NARS1: variants seen among roughly 807,000 people sequenced by gnomAD.
NARS1 encodes the protein asparagine--tRNA ligase, cytoplasmic.
In NARS1, 65 loss-of-function variants were observed where a neutral mutation model predicts 79.2. The ratio of observed to expected loss-of-function variants is 0.82; its 90% CI spans 0.67 to 1.01. The LOEUF (loss-of-function observed/expected upper bound fraction) is 1.01. Among genes scored for constraint, NARS1 ranks in the 50% least tolerant of loss-of-function variants. The probability of loss-of-function intolerance (pLI) is 0.00; values close to 1 mark genes in which losing one functional copy is unlikely to be tolerated. For synonymous variants in NARS1, 229 were observed against 238.8 expected (o/e 0.96, Z 0.38); for missense variants, 649 against 673.8 (o/e 0.96, Z 0.41).
intron 13 of NARS1, 57 bp from the exon 14 acceptor site, chr18:57,601,840 C>T: frequency 1.3e-6 from 2 of 1,570,370 alleles, no homozygotes; most frequent in Non-Finnish European, 1.7e-6. Flanking sequence ...AAACTTTCAT[C>T]TAAGACAGTT....
chr18:57,611,195 G>T (rs542339932), intron 6 of NARS1, among the ~76,000 whole-genome samples: 1 of 151,924 alleles, frequency 6.6e-6, no homozygotes, highest in Non-Finnish European at 1.5e-5. Context: ...CAAACTCCTG[G>T]GCTCAAGCAG....
intron 1 of NARS1, 65 bp from the exon 2 acceptor site, chr18:57,620,716 T>G: frequency 1.1e-6 from 1 of 924,302 alleles, no homozygotes; most frequent in Non-Finnish European, 1.7e-6. Context: ...TACTACTTTA[T>G]TCATTCCTTA....
chr18:57,602,690 T>G (rs2051519068), intron 12 of NARS1, 122 bp downstream of exon 12: 2 of 1,317,328 alleles, frequency 1.5e-6, no homozygotes, highest in Admixed American at 2.6e-5. Flanking sequence ...CCCAACGTCT[T>G]TAAATATTGT....
intron 11 of NARS1, among the ~76,000 whole-genome samples, chr18:57,604,344 G>A (rs1019675038): frequency 8.6e-5 from 13 of 152,040 alleles, no homozygotes; most frequent in Non-Finnish European, 1.9e-4. Flanking sequence ...CTCGAGGCCA[G>A]GAGTTTGAGA....
intron 4 of NARS1, 135 bp downstream of exon 4, chr18:57,615,506 A>G: frequency 1.8e-6 from 1 of 559,812 alleles, no homozygotes; most frequent in Non-Finnish European, 3.0e-6. Flanking sequence ...CGTCTCAAAA[A>G]TAAATAAATA....
In NARS1 at chr18:57,615,940, G is replaced by A. The variant is rs758952709; in HGVS notation, c.129C>T (p.Thr43=). 1.2e-4 allele frequency: 189 copies of A among 1,611,900 alleles called. No homozygotes were observed. The highest frequency in any genetic ancestry group is 1.5e-4 in the Non-Finnish European group (175 of 1,179,278). Residue 43 remains threonine, a synonymous_variant, in exon 3 of 14, where the codon ACC becomes ACT. Transcript: ENST00000256854. ...TTTCTTTTTGTGAATCTACGTAAAT[G>A]GTAGGAAATGGTTCTTTCCCTACTG... ...LMTVGKEPFP[T]IYVDSQKENE...
At chr18:57,612,677 C>G (rs1428817712) in intron 5 of NARS1, among the ~76,000 whole-genome samples, 1 of 152,212 alleles carries the variant, frequency 6.6e-6, no homozygotes, top group Non-Finnish European at 1.5e-5. Context: ...CTCAGGCGAT[C>G]CACCCGCCTT....
intron 2 of NARS1, among the ~76,000 whole-genome samples, chr18:57,617,949 A>G (rs1364353255): frequency 1.3e-5 from 2 of 151,214 alleles, no homozygotes; most frequent in East Asian, 3.9e-4. Context: ...AAAACATTCA[A>G]TAGTTCATCC....
At chr18:57,616,628 G>A in intron 2 of NARS1, among the ~76,000 whole-genome samples, 1 of 152,024 alleles carries the variant, frequency 6.6e-6, no homozygotes, top group East Asian at 1.9e-4. Context: ...AACTGCAAGT[G>A]ACATCTAAAA....
intron 6 of NARS1, among the ~76,000 whole-genome samples, chr18:57,609,762 A>G (rs72942207): frequency 0.16 from 23,645 of 152,222 alleles, 2,113 homozygotes; most frequent in Non-Finnish European, 0.2. Context: ...AATCTAGACT[A>G]TTAAAGTAAC....
Position 57,613,652 on chromosome 18 carries a change from C to T in NARS1, c.371G>A (p.Arg124Lys), listed in dbSNP as rs1280430101. 3 of 1,614,142 alleles carry T rather than the reference C, an allele frequency of 1.9e-6. No individual in the cohort carries two copies. The highest frequency in any genetic ancestry group is 2.2e-5 in the South Asian group (2 of 91,082). The change falls in exon 5 of 14, where the codon AGA becomes AAA. Residue 124 changes from arginine (R) to lysine (K), a missense_variant. Transcript: ENST00000256854. ...CVKIGALEGY[R>K]GQRVKVFGWV... ...GCCAAACACCTTTACTCTTTGGCCT[C>T]TATATCCTTCTAACGCACCAATCTT...
In NARS1 at chr18:57,607,541, ATG is replaced by A. The variant is rs1353968396; in HGVS notation, c.702_703del (p.Met235AspfsTer22). The A allele has an allele frequency of 1.2e-6, 2 of 1,614,138 alleles. No homozygotes were observed. Among genetic ancestry groups the A allele is most frequent in the Non-Finnish European group, 1.7e-6 (2 of 1,180,040 alleles). The stretch of plus-strand genomic sequence containing the variant: ...GGACATGTTTTCTCCTCGGATCATC[ATG>A]TGTCTGTTGTTGAGCTGGACATCAA... On this transcript the variant is annotated frameshift_variant, in exon 8 of 14. Transcript: ENST00000256854. LOFTEE classifies it high-confidence loss of function.
intron 13 of NARS1, 53 bp downstream of exon 13, chr18:57,602,302 A>G: frequency 3.8e-6 from 6 of 1,563,916 alleles, no homozygotes; most frequent in Non-Finnish European, 5.2e-6. Flanking sequence ...TTCAATATAT[A>G]CAGAACGATT....
chr18:57,602,708 G>C, intron 12 of NARS1, 104 bp downstream of exon 12: 1 of 1,372,142 alleles, frequency 7.3e-7, no homozygotes, highest in Non-Finnish European at 9.9e-7. Context: ...TGTTATTCTA[G>C]ATAGAGAATG....
intron 2 of NARS1, 153 bp from the exon 3 acceptor site, chr18:57,616,128 T>G: frequency 1.4e-6 from 1 of 702,118 alleles, no homozygotes; most frequent in South Asian, 2.1e-5. Flanking sequence ...GTTGAACATT[T>G]AAGAAGCACA....
chr18:57,607,365 G>T lies in NARS1; in HGVS notation c.802-32C>A, dbSNP rs751109621. 8.7e-6 allele frequency: 14 copies of T among 1,610,046 alleles called. No homozygotes were observed. The East Asian group carries it at 2.9e-4, about 33-fold the overall frequency. ...AAATGCAAAGAAGGAATAAATCAATGCTATCGTGAGCACCACTATTCAAGT... is the reference window on the plus strand; with the variant it reads ...AAATGCAAAGAAGGAATAAATCAATTCTATCGTGAGCACCACTATTCAAGT... On this transcript the variant is annotated intron_variant, in intron 8 of 13. Transcript: ENST00000256854.
At chr18:57,618,761 G>C (rs761586212) in intron 2 of NARS1, among the ~76,000 whole-genome samples, 7 of 152,026 alleles carry the variant, frequency 4.6e-5, no homozygotes, top group Non-Finnish European at 1.0e-4. Flanking sequence ...AATTAACCGC[G>C]TGTGGTGACA....
chr18:57,606,527 C>A, intron 10 of NARS1, 89 bp downstream of exon 10: 1 of 1,295,384 alleles, frequency 7.7e-7, no homozygotes, highest in Non-Finnish European at 1.1e-6. Flanking sequence ...GCTCACCAAG[C>A]CATCAAATCT....
chr18:57,620,777 A>C (rs1908267127), intron 1 of NARS1, 126 bp from the exon 2 acceptor site: 1 of 506,876 alleles, frequency 2.0e-6, no homozygotes, highest in East Asian at 3.1e-5. Flanking sequence ...GTCCATAAGT[A>C]ATTAATATCC....
Sources: gnomAD v4.1 joint callset for allele counts (sites outside exome capture counted in the v4.1 genomes callset) on GRCh38, gnomAD v4.1.1 for gene constraint, MANE v1.5 for transcripts, NCBI Gene and HGNC (gene_info 2026-07-23, HGNC 2026-07-21) for gene names.